BLTP3B: variants seen among roughly 807,000 people sequenced by gnomAD.
BLTP3B encodes the protein bridge-like lipid transfer protein family member 3B, also known as UHRF1 (ICBP90) binding protein 1-like.
chr12:100,053,261 C>T, the BLTP3B span, among the ~76,000 whole-genome samples: 3 of 151,672 alleles, frequency 2.0e-5, no homozygotes, highest in East Asian at 2.0e-4. Flanking sequence ...AAAAATTAGC[C>T]GGGTGTGGTG....
the BLTP3B span, among the ~76,000 whole-genome samples, chr12:100,080,451 C>A: frequency 6.6e-6 from 1 of 152,000 alleles, no homozygotes; most frequent in East Asian, 1.9e-4. Context: ...CTCCTGGAAA[C>A]CCACCTCTTA....
the BLTP3B span, among the ~76,000 whole-genome samples, chr12:100,066,609 C>T: frequency 1.0e-4 from 15 of 149,656 alleles, no homozygotes; most frequent in Admixed American, 2.7e-4. Context: ...CTGGCTAACA[C>T]GGTGAAACCC....
At chr12:100,087,907 C>G in the BLTP3B span, among the ~76,000 whole-genome samples, 1 of 152,122 alleles carries the variant, frequency 6.6e-6, no homozygotes, top group East Asian at 1.9e-4. Flanking sequence ...ATTTTCCTTT[C>G]AAATCTCTAA....
At chr12:100,041,319 G>A in the BLTP3B span, among the ~76,000 whole-genome samples, 2 of 151,752 alleles carry the variant, frequency 1.3e-5, no homozygotes, top group African/African-American at 4.8e-5. Context: ...CTAATAAAAG[G>A]TCATCATGTA....
At chr12:100,139,691 CATGTT>C in the BLTP3B span, among the ~76,000 whole-genome samples, 1 of 152,212 alleles carries the variant, frequency 6.6e-6, no homozygotes, top group African/African-American at 2.4e-5. Flanking sequence ...TAAGCTCATT[CATGTT>C]ATGTATCCAC....
At chr12:100,132,319 T>C in the BLTP3B span, among the ~76,000 whole-genome samples, 4 of 152,324 alleles carry the variant, frequency 2.6e-5, 1 homozygote, top group South Asian at 8.3e-4. Flanking sequence ...CCAAAATTCA[T>C]GTTGAAATCT....
At chr12:100,043,273 G>A in the BLTP3B span, among the ~76,000 whole-genome samples, 1 of 152,164 alleles carries the variant, frequency 6.6e-6, no homozygotes, top group Non-Finnish European at 1.5e-5. Flanking sequence ...AAGTATGCCT[G>A]CATAAGGAAG....
At chr12:100,058,075 C>T in the BLTP3B span, 3 of 1,600,472 alleles carry the variant, frequency 1.9e-6, no homozygotes, top group Non-Finnish European at 2.5e-6. Flanking sequence ...GGGGTCTCTT[C>T]TTTACTGATA....
chr12:100,121,140 G>T, the BLTP3B span, among the ~76,000 whole-genome samples: 1 of 152,082 alleles, frequency 6.6e-6, no homozygotes, highest in Non-Finnish European at 1.5e-5. Flanking sequence ...CTGAGGTCAG[G>T]AGTTTGAGAC....
At chr12:100,105,588 G>A in the BLTP3B span, among the ~76,000 whole-genome samples, 15 of 152,078 alleles carry the variant, frequency 9.9e-5, no homozygotes, top group African/African-American at 3.6e-4. Flanking sequence ...CATAAAAACT[G>A]TGGAAGAAAA....
the BLTP3B span, among the ~76,000 whole-genome samples, chr12:100,118,112 A>AT: frequency 7.2e-5 from 11 of 151,920 alleles, no homozygotes; most frequent in Non-Finnish European, 1.2e-4. Flanking sequence ...AAATTTTTGT[A>AT]TTTTTTTTAA....
the BLTP3B span, among the ~76,000 whole-genome samples, chr12:100,104,212 T>C: frequency 6.2e-5 from 8 of 129,646 alleles, no homozygotes; most frequent in East Asian, 2.1e-4. Flanking sequence ...TTCTTTTTTT[T>C]TTTTTTTTTT....
At chr12:100,070,242 A>G in the BLTP3B span, 2 of 1,502,080 alleles carry the variant, frequency 1.3e-6, no homozygotes, top group South Asian at 1.4e-5. Flanking sequence ...TTGTTGAAAC[A>G]TGAAGATAGG....
At chr12:100,130,953 T>TACATACATAC in the BLTP3B span, among the ~76,000 whole-genome samples, 7 of 95,104 alleles carry the variant, frequency 7.4e-5, no homozygotes, top group African/African-American at 5.4e-4. Flanking sequence ...TACATACATA[T>TACATACATAC]ATATATATAG....
chr12:100,080,099 C>A, the BLTP3B span, among the ~76,000 whole-genome samples: 1 of 152,186 alleles, frequency 6.6e-6, no homozygotes, highest in African/African-American at 2.4e-5. Context: ...TCTGCTAGGG[C>A]AGTGTGGAAG....
At chr12:100,132,429 C>T in the BLTP3B span, among the ~76,000 whole-genome samples, 1 of 152,028 alleles carries the variant, frequency 6.6e-6, no homozygotes, top group Non-Finnish European at 1.5e-5. Context: ...ATTGTTCTTG[C>T]AGTAGTAAGT....
chr12:100,131,280 C>A, the BLTP3B span, among the ~76,000 whole-genome samples: 2 of 148,788 alleles, frequency 1.3e-5, no homozygotes, highest in Admixed American at 1.3e-4. Context: ...CACTGCACTC[C>A]AGCCTGGGTG....
At chr12:100,141,937 AT>A in the BLTP3B span, among the ~76,000 whole-genome samples, 1 of 152,164 alleles carries the variant, frequency 6.6e-6, no homozygotes, top group African/African-American at 2.4e-5. Context: ...AAAAAAAAAA[AT>A]GTTCAGTAAT....
At chr12:100,102,902 C>G in the BLTP3B span, 1 of 1,122,630 alleles carries the variant, frequency 8.9e-7, no homozygotes, top group Non-Finnish European at 1.3e-6. Flanking sequence ...ATTTATTCTA[C>G]GTATATTATT....
Sources: gnomAD v4.1 joint callset for allele counts (sites outside exome capture counted in the v4.1 genomes callset) on GRCh38, gnomAD v4.1.1 for gene constraint, MANE v1.5 for transcripts, NCBI Gene and HGNC (gene_info 2026-07-23, HGNC 2026-07-21) for gene names.